Variants in SEPTIN7 observed in about 807,000 individuals in gnomAD.
The protein encoded by SEPTIN7 is septin-7.
SEPTIN7 carries 10 observed loss-of-function variants against 63.3 expected under a neutral mutation model. That is an observed-to-expected ratio of 0.16 (90% CI 0.10 to 0.27). SEPTIN7 has a LOEUF of 0.27. SEPTIN7 is among the 10% of genes least tolerant of loss of function. The pLI is 1.00. For missense variants in SEPTIN7, 310 were observed against 521.0 expected, an observed-to-expected ratio of 0.59 and a Z score of 3.94; for synonymous variants, 131 against 165.3, an observed-to-expected ratio of 0.79 and a Z score of 1.59.
chr7:35,822,730 A>G lies in SEPTIN7; in HGVS notation c.62-8762A>G, dbSNP rs989838510. Among the ~76,000 whole-genome samples, 11 of 152,300 alleles carry G rather than the reference A, an allele frequency of 7.2e-5. No individual in the cohort carries two copies. The East Asian group carries it at 9.6e-4, about 13-fold the overall frequency. ...TTTATAATTGCATATGTGGTTACCT[A>G]ATATTTCCATGATACAACACTGGTC... On this transcript the variant is annotated intron_variant, in intron 1 of 13. Coordinates refer to ENST00000350320, the MANE Select transcript of SEPTIN7 (RefSeq NM_001788.6).
intron 1 of SEPTIN7, among the ~76,000 whole-genome samples, chr7:35,817,008 G>GT (rs372234064): frequency 0.01 from 1,466 of 141,802 alleles, 14 homozygotes; most frequent in African/African-American, 0.029. Flanking sequence ...AATTCCACAG[G>GT]TTTTTTTTTT....
chr7:35,878,498 T>C (rs1472177705), intron 6 of SEPTIN7, among the ~76,000 whole-genome samples: 5 of 152,198 alleles, frequency 3.3e-5, no homozygotes, highest in Admixed American at 6.5e-5. Flanking sequence ...ATCTGGCCTT[T>C]AGTAAGATTT....
chr7:35,913,411 C>T, the SEPTIN7 span, among the ~76,000 whole-genome samples: 1 of 152,020 alleles, frequency 6.6e-6, no homozygotes, highest in Non-Finnish European at 1.5e-5. Flanking sequence ...CTTTCTCTTT[C>T]TTTCTTTCTT....
intron 1 of SEPTIN7, among the ~76,000 whole-genome samples, chr7:35,828,945 T>A (rs1280592151): frequency 6.6e-6 from 1 of 152,082 alleles, no homozygotes; most frequent in African/African-American, 2.4e-5. Context: ...TTTAAAACAG[T>A]AATCAGGTCA....
intron 5 of SEPTIN7, 142 bp downstream of exon 5, chr7:35,872,908 A>T: frequency 1.7e-6 from 1 of 600,920 alleles, no homozygotes; most frequent in Non-Finnish European, 3.0e-6. Context: ...TTGTATACCA[A>T]CTTTGCCACT....
At chr7:35,840,218 C>G (rs1177235602) in intron 3 of SEPTIN7, among the ~76,000 whole-genome samples, 9 of 85,934 alleles carry the variant, frequency 1.0e-4, no homozygotes, top group African/African-American at 1.9e-4. Context: ...TTTCCCCTCC[C>G]CCCTTCCCCC....
At chr7:35,896,589 G>A (rs1192590996) in intron 11 of SEPTIN7, among the ~76,000 whole-genome samples, 2 of 152,164 alleles carry the variant, frequency 1.3e-5, no homozygotes, top group Non-Finnish European at 2.9e-5. Context: ...CCATTAATAT[G>A]AGGAGTATAT....
At chr7:35,842,356 A>AG (rs1784450104) in intron 3 of SEPTIN7, among the ~76,000 whole-genome samples, 1 of 151,808 alleles carries the variant, frequency 6.6e-6, no homozygotes, top group Non-Finnish European at 1.5e-5. Flanking sequence ...TTGAAAAAAA[A>AG]AAAACCCTCA....
At chr7:35,895,954 G>T (rs925604110) in intron 11 of SEPTIN7, among the ~76,000 whole-genome samples, 5 of 152,154 alleles carry the variant, frequency 3.3e-5, no homozygotes, top group Non-Finnish European at 5.9e-5. Flanking sequence ...GGAATTACAG[G>T]CGTGTGCCAC....
intron 3 of SEPTIN7, among the ~76,000 whole-genome samples, chr7:35,840,255 T>C (rs549279375): frequency 8.3e-6 from 1 of 120,072 alleles, no homozygotes; most frequent in Admixed American, 8.7e-5. Context: ...CCCTTCCCCT[T>C]CCCTTTTCTT....
At chr7:35,902,289 G>A (rs570139888) in intron 12 of SEPTIN7, 1 of 151,580 alleles carries the variant, frequency 6.6e-6, no homozygotes, top group African/African-American at 2.4e-5. Flanking sequence ...TGGACTTAAA[G>A]CACTTTGTTT....
intron 1 of SEPTIN7, among the ~76,000 whole-genome samples, chr7:35,830,953 A>G (rs1186657372): frequency 6.6e-5 from 10 of 152,164 alleles, no homozygotes; most frequent in Admixed American, 5.2e-4. Context: ...CTTGAAATAC[A>G]GCATTGTATA....
At chr7:35,901,556 T>A (rs917298710) in intron 12 of SEPTIN7, 2 of 152,224 alleles carry the variant, frequency 1.3e-5, no homozygotes, top group African/African-American at 4.8e-5. Flanking sequence ...AAAAGGCATC[T>A]GACCCCATGG....
intron 1 of SEPTIN7, among the ~76,000 whole-genome samples, chr7:35,818,655 A>G (rs1251297777): frequency 6.6e-6 from 1 of 151,886 alleles, no homozygotes; most frequent in Non-Finnish European, 1.5e-5. Flanking sequence ...CTAATCTATT[A>G]TAGGTCTATT....
At chr7:35,879,242 T>G (rs1786679802) in intron 6 of SEPTIN7, among the ~76,000 whole-genome samples, 1 of 152,124 alleles carries the variant, frequency 6.6e-6, no homozygotes, top group Admixed American at 6.6e-5. Flanking sequence ...GAACTGAATG[T>G]GGAGTTGGAA....
intron 1 of SEPTIN7, among the ~76,000 whole-genome samples, chr7:35,809,813 C>T (rs907050392): frequency 2.6e-5 from 4 of 152,270 alleles, no homozygotes; most frequent in East Asian, 1.9e-4. Context: ...TCGTAAGAAT[C>T]GTGATGATAA....
intron 4 of SEPTIN7, among the ~76,000 whole-genome samples, chr7:35,865,801 T>G (rs1434361126): frequency 6.6e-6 from 1 of 152,192 alleles, no homozygotes; most frequent in Non-Finnish European, 1.5e-5. Flanking sequence ...ATTTTAGATA[T>G]TGCAGACATT....
At position 35,879,870 on chromosome 7, in the gene SEPTIN7, T is replaced by C; in HGVS notation, c.560T>C (p.Val187Ala). ...TTTATGAAGCGTTTGCATGAAAAAG[T>C]GAATATCATCCCACTTATTGCCAAA... ...IEFMKRLHEK[V>A]NIIPLIAKAD... Residue 187 changes from valine to alanine, a missense_variant, in exon 7 of 14, where the codon GTG (valine) becomes GCG (alanine). Coordinates refer to ENST00000350320, the MANE Select transcript of SEPTIN7 (RefSeq NM_001788.6). 1 of 1,601,708 alleles carries C rather than the reference T, an allele frequency of 6.2e-7. No homozygotes were observed. Among genetic ancestry groups the C allele is most frequent in the Non-Finnish European group, 8.5e-7 (1 of 1,173,410 alleles).
At chr7:35,832,507 C>T (rs879355161) in intron 2 of SEPTIN7, among the ~76,000 whole-genome samples, 1 of 151,986 alleles carries the variant, frequency 6.6e-6, no homozygotes, top group Non-Finnish European at 1.5e-5. Context: ...GGTCAATCAT[C>T]TTGTTACTAA....
Sources: allele counts gnomAD v4.1 joint callset (sites outside exome capture counted in the v4.1 genomes callset), GRCh38; gene constraint gnomAD v4.1.1; transcripts MANE v1.5; gene names NCBI Gene and HGNC (gene_info 2026-07-23, HGNC 2026-07-21).